GALNT13: variants seen among roughly 807,000 people sequenced by gnomAD.
GALNT13 encodes the protein polypeptide N-acetylgalactosaminyltransferase 13.
In GALNT13, 28 loss-of-function variants were observed where a neutral mutation model predicts 64.2. The ratio of observed to expected loss-of-function variants is 0.44; its 90% CI spans 0.32 to 0.60. GALNT13 has a LOEUF of 0.60. Ranked by LOEUF, GALNT13 falls within the 20% of genes least tolerant of loss-of-function variation. GALNT13 has a pLI of 0.05. For synonymous variants in GALNT13, 214 were observed against 224.6 expected (o/e 0.95, Z 0.42); for missense variants, 577 against 669.8 (o/e 0.86, Z 1.53).
chr2:153,822,782 G>C, the GALNT13 span, among the ~76,000 whole-genome samples: 1 of 152,060 alleles, frequency 6.6e-6, no homozygotes, highest in Non-Finnish European at 1.5e-5. Context: ...CAAGCAACCA[G>C]GCAATAGAAA....
the GALNT13 span, among the ~76,000 whole-genome samples, chr2:153,367,589 G>A: frequency 6.6e-6 from 1 of 152,030 alleles, no homozygotes; most frequent in Non-Finnish European, 1.5e-5. Flanking sequence ...GCTGAAAAAG[G>A]CCAGGAAAGA....
chr2:154,432,496 T>A (rs1394146254), intron 11 of GALNT13, among the ~76,000 whole-genome samples: 1 of 152,190 alleles, frequency 6.6e-6, no homozygotes, highest in Admixed American at 6.5e-5. Context: ...CAAACTAGGT[T>A]GCTTAATAGA....
the GALNT13 span, among the ~76,000 whole-genome samples, chr2:153,239,177 T>G: frequency 1.3e-5 from 2 of 152,170 alleles, no homozygotes; most frequent in Non-Finnish European, 2.9e-5. Context: ...GATTTTAGTA[T>G]GGTGATTTTG....
chr2:154,150,897 T>G (rs1402915361), intron 4 of GALNT13, among the ~76,000 whole-genome samples: 1 of 152,170 alleles, frequency 6.6e-6, no homozygotes. Flanking sequence ...GATTCATTAA[T>G]TTTTTGAAGG....
chr2:153,408,440 G>T, the GALNT13 span, among the ~76,000 whole-genome samples: 1 of 151,944 alleles, frequency 6.6e-6, no homozygotes, highest in Non-Finnish European at 1.5e-5. Context: ...AAGGAAGAGA[G>T]TAAGGGAGGG....
chr2:153,323,341 T>A, the GALNT13 span, among the ~76,000 whole-genome samples: 2 of 148,866 alleles, frequency 1.3e-5, no homozygotes, highest in Non-Finnish European at 3.0e-5. Flanking sequence ...TGATAGGGTT[T>A]TTTTTTCTTG....
At chr2:154,220,866 T>C (rs190462548) in intron 4 of GALNT13, among the ~76,000 whole-genome samples, 1 of 152,176 alleles carries the variant, frequency 6.6e-6, no homozygotes, top group Admixed American at 6.6e-5. Context: ...CACTTGTGCT[T>C]TAGTTTCTGG....
the GALNT13 span, among the ~76,000 whole-genome samples, chr2:153,411,028 C>T: frequency 2.6e-5 from 4 of 151,798 alleles, no homozygotes; most frequent in Non-Finnish European, 1.5e-5. Context: ...ACAGGCCCAG[C>T]TAATTTTTGT....
intron 9 of GALNT13, among the ~76,000 whole-genome samples, chr2:154,326,039 GTCATCA>G (rs1694860516): frequency 6.6e-6 from 1 of 152,094 alleles, no homozygotes; most frequent in Admixed American, 6.6e-5. Context: ...AGTATGTGTT[GTCATCA>G]TCTGTGCTTA....
the GALNT13 span, among the ~76,000 whole-genome samples, chr2:153,577,048 T>A: frequency 6.6e-6 from 1 of 152,190 alleles, no homozygotes; most frequent in African/African-American, 2.4e-5. Flanking sequence ...TGTATGTGTA[T>A]GGCATGTGAA....
intron 3 of GALNT13, among the ~76,000 whole-genome samples, chr2:154,032,656 TATG>T (rs1169629177): frequency 2.0e-5 from 3 of 151,956 alleles, no homozygotes; most frequent in South Asian, 2.1e-4. Context: ...AGAAAATTCA[TATG>T]ATGATCTCAT....
chr2:154,023,228 T>C (rs1697667241), intron 3 of GALNT13, among the ~76,000 whole-genome samples: 1 of 152,180 alleles, frequency 6.6e-6, no homozygotes, highest in African/African-American at 2.4e-5. Context: ...CAGAGCTGAG[T>C]TCAATTCCTG....
In GALNT13 at chr2:154,240,651, C is replaced by A. The variant is rs1021424176; in HGVS notation, c.312-1379C>A. Among the ~76,000 whole-genome samples, 16 of 152,112 alleles carry A rather than the reference C, an allele frequency of 1.1e-4. 1 individual carries two copies. Among genetic ancestry groups the A allele is most frequent in the African/African-American group, 3.9e-4 (16 of 41,416 alleles). On this transcript the variant is annotated intron_variant, in intron 4 of 12. Coordinates refer to ENST00000392825, the MANE Select transcript of GALNT13 (RefSeq NM_052917.4). ...TCCGACCCCACAGCAGTGTTTAGGG[C>A]CCTAGTGGGAGCGTGCTACCGTGTG...
At chr2:153,902,186 T>C (rs1202531876) in intron 2 of GALNT13, among the ~76,000 whole-genome samples, 1 of 152,118 alleles carries the variant, frequency 6.6e-6, no homozygotes, top group Admixed American at 6.6e-5. Context: ...GAATTACTAG[T>C]ATTTAAAAGA....
chr2:154,206,509 C>T (rs998275006), intron 4 of GALNT13, among the ~76,000 whole-genome samples: 1 of 150,090 alleles, frequency 6.7e-6, no homozygotes, highest in African/African-American at 2.4e-5. Context: ...ACAAGAGGAA[C>T]GGGGGTCGGG....
At chr2:153,327,214 C>T in the GALNT13 span, among the ~76,000 whole-genome samples, 1 of 152,174 alleles carries the variant, frequency 6.6e-6, no homozygotes, top group African/African-American at 2.4e-5. Context: ...CCCTATTCTT[C>T]TCTCTGGCTG....
chr2:154,095,734 T>C (rs73003232), intron 3 of GALNT13, among the ~76,000 whole-genome samples: 8,463 of 152,064 alleles, frequency 0.056, 352 homozygotes, highest in East Asian at 0.13. Flanking sequence ...TCTGAATGAA[T>C]TTTAGGGCAT....
chr2:154,140,836 C>G (rs114234402), intron 4 of GALNT13, among the ~76,000 whole-genome samples: 46 of 152,010 alleles, frequency 3.0e-4, no homozygotes, highest in African/African-American at 1.1e-3. Flanking sequence ...AGATTACAGT[C>G]GTATATTGCT....
chr2:154,231,815 A>C (rs1351189388), intron 4 of GALNT13, among the ~76,000 whole-genome samples: 1 of 150,566 alleles, frequency 6.6e-6, no homozygotes, highest in East Asian at 2.0e-4. Context: ...CTAATATCTA[A>C]CCTATTTTGT....
Sources: gnomAD v4.1 joint callset for allele counts (sites outside exome capture counted in the v4.1 genomes callset) on GRCh38, gnomAD v4.1.1 for gene constraint, MANE v1.5 for transcripts, NCBI Gene and HGNC (gene_info 2026-07-23, HGNC 2026-07-21) for gene names.